The following SLC13A5 variants were observed in gnomAD, a reference collection of about 807,000 sequenced individuals.
The protein encoded by SLC13A5 is Na(+)/citrate cotransporter.
Under a neutral mutation model 56.5 loss-of-function variants are expected in SLC13A5, and 25 were observed. The observed-to-expected ratio is 0.44, with a 90% CI of 0.32 to 0.62. The LOEUF (loss-of-function observed/expected upper bound fraction) is 0.62, where lower values mean the gene tolerates loss of function less well. Ranked by LOEUF, SLC13A5 falls within the 20% of genes least tolerant of loss-of-function variation. The pLI is 0.04. For synonymous variants in SLC13A5, 307 were observed against 301.5 expected (o/e 1.02, Z -0.19); for missense variants, 649 against 737.8 (o/e 0.88, Z 1.39).
At chr17:6,698,232 G>C (rs1973611411) in intron 6 of SLC13A5, among the ~76,000 whole-genome samples, 1 of 152,238 alleles carries the variant, frequency 6.6e-6, no homozygotes, top group South Asian at 2.1e-4. Context: ...CTGGACTGCA[G>C]CCACGCACCC....
chr17:6,685,237 G>C lies in SLC13A5; in HGVS notation c.*970C>G, dbSNP rs1011026618. On this transcript the variant is annotated 3_prime_UTR_variant, in exon 12 of 12. Transcript: ENST00000433363. The surrounding 1 kb of genome is among the most constrained non-coding windows in gnomAD (Gnocchi z 4.2). ...GCATAGCCAGTGGAAATTAACAGCT[G>C]TGTCCACTCTGGGCCTCAGGTGAGG... is the stretch of plus-strand genomic sequence containing the variant. The C allele has an allele frequency of 2.6e-5, 4 of 152,254 alleles. No homozygotes were observed. The highest frequency in any genetic ancestry group is 2.9e-5 in the Non-Finnish European group (2 of 68,062). 9.4% of individuals were successfully genotyped at this position (152,254 alleles called of 1,614,324 possible).
Position 6,686,243 on chromosome 17 carries a change from G to A in SLC13A5, c.1671C>T (p.Phe557=). The A allele has an allele frequency of 1.9e-6, 3 of 1,614,164 alleles. No homozygotes were observed. Among genetic ancestry groups the A allele is most frequent in the Non-Finnish European group, 2.5e-6 (3 of 1,180,028 alleles). ...TATGTGTCACATTAGCCCAGTCAGGGAAATGATCCAAGTCAAATATGGCCC... is the reference window on the plus strand; with the variant it reads ...TATGTGTCACATTAGCCCAGTCAGGAAAATGATCCAAGTCAAATATGGCCC... The part of the protein sequence containing the change: ...WGRAIFDLDH[F]PDWANVTHIE... Residue 557 remains phenylalanine (F), a synonymous_variant, in exon 12 of 12, where the codon TTC becomes TTT. Transcript: ENST00000433363.
intron 11 of SLC13A5, chr17:6,686,683 T>G: frequency 3.8e-6 from 1 of 260,656 alleles, no homozygotes. Context: ...CCCAGTGCCT[T>G]AACTATCCTA....
rs1974013675 is a variant in SLC13A5 at position 6,711,283 on chromosome 17, A to G, written c.102+1949T>C. On this transcript the variant is annotated intron_variant, in intron 1 of 11. Coordinates refer to ENST00000433363, the MANE Select transcript of SLC13A5 (RefSeq NM_177550.5). This position sits in a 1 kb window ranked among gnomAD's most constrained non-coding sequence, Gnocchi z 4.0. ...AAAACAGGCAGAAAGGGAAAAAACAAGAAGACAAGGTCCAGGGTCCTCACC... is the reference window on the plus strand; with the variant it reads ...AAAACAGGCAGAAAGGGAAAAAACAGGAAGACAAGGTCCAGGGTCCTCACC... 6.6e-6 allele frequency among the ~76,000 whole-genome samples: 1 copy of G among 152,148 alleles called. No individual in the cohort carries two copies.
intron 3 of SLC13A5, 131 bp downstream of exon 3, chr17:6,706,511 A>G: frequency 7.5e-7 from 1 of 1,336,254 alleles, no homozygotes; most frequent in Non-Finnish European, 1.0e-6. Context: ...AACGCACCCC[A>G]CCCAGCCAAG....
rs764107507 is a variant in SLC13A5 at position 6,693,101 on chromosome 17, C to T, written c.1218G>A (p.Val406=). The change falls in exon 9 of 12, where the codon GTG becomes GTA. Residue 406 remains valine (V), a synonymous_variant. Coordinates refer to ENST00000433363, the MANE Select transcript of SLC13A5 (RefSeq NM_177550.5). ...LLDWKVTQEK[V]PWGIVLLLGG... The stretch of plus-strand genomic sequence containing the variant: ...CTAGTAGCAGCACGATGCCCCAGGG[C>T]ACTTTCTCCTGGGTTACCTTCCAAT... The T allele has an allele frequency of 2.5e-6, 4 of 1,613,908 alleles. No individual in the cohort carries two copies. The highest frequency in any genetic ancestry group is 2.2e-5 in the South Asian group (2 of 91,058).
In SLC13A5 at chr17:6,699,829, C is replaced by T. The variant is rs946963335; in HGVS notation, c.839+1175G>A. On this transcript the variant is annotated intron_variant, in intron 6 of 11. Coordinates refer to ENST00000433363, the MANE Select transcript of SLC13A5 (RefSeq NM_177550.5). ...CCATGTTGGCCAGGCTGGTTACAAA[C>T]TCCTGACCTCAGGCGATCTGCCCAC... is the stretch of plus-strand genomic sequence containing the variant. Among the ~76,000 whole-genome samples the T allele has an allele frequency of 5.9e-5, 9 of 152,340 alleles. No individual in the cohort carries two copies. In the East Asian group the frequency reaches 1.7e-3, roughly 29 times the overall value.
Position 6,701,872 on chromosome 17 carries a change from C to G in SLC13A5, c.717-746G>C, listed in dbSNP as rs1346965193. Among the ~76,000 whole-genome samples the G allele has an allele frequency of 6.6e-6, 1 of 152,186 alleles. No individual in the cohort carries two copies. The highest frequency in any genetic ancestry group is 1.9e-4 in the East Asian group (1 of 5,174). On this transcript the variant is annotated intron_variant, in intron 5 of 11. Coordinates refer to ENST00000433363, the MANE Select transcript of SLC13A5 (RefSeq NM_177550.5). This position sits in a 1 kb window ranked among gnomAD's most constrained non-coding sequence, Gnocchi z 4.1. ...TCTCAAAAGCTTCCCAGAGCGGAGG[C>G]TGGAGGAGGGTCACTTCCACCACAG... is the stretch of plus-strand genomic sequence containing the variant.
At position 6,687,696 on chromosome 17, in the gene SLC13A5, G is replaced by A. The variant is rs760202556; in HGVS notation, c.1438-30C>T. ...GGAAAAACAGCACTGCAACATCACC[G>A]TACAGAACACAGAAGCTCTTGGGGA... On this transcript the variant is annotated intron_variant, in intron 10 of 11. Transcript: ENST00000433363. This position sits in a 1 kb window ranked among gnomAD's most constrained non-coding sequence, Gnocchi z 5.0. The A allele has an allele frequency of 9.0e-6, 14 of 1,560,062 alleles. No individual in the cohort carries two copies. The highest frequency in any genetic ancestry group is 2.8e-5 in the African/African-American group (2 of 72,506).
rs910270619 is a variant in SLC13A5 at position 6,711,791 on chromosome 17, C to G, written c.102+1441G>C. 1.3e-5 allele frequency among the ~76,000 whole-genome samples: 2 copies of G among 151,982 alleles called. No homozygotes were observed. The highest frequency in any genetic ancestry group is 4.8e-5 in the African/African-American group (2 of 41,348). On this transcript the variant is annotated intron_variant, in intron 1 of 11. Coordinates refer to ENST00000433363, the MANE Select transcript of SLC13A5 (RefSeq NM_177550.5). This position sits in a 1 kb window ranked among gnomAD's most constrained non-coding sequence, Gnocchi z 4.0. ...CTACTATAATCATTCCAGGGAACAT[C>G]ACTCCCTACCAGCAGAGCTGAAATC...
chr17:6,693,033 G>A lies in SLC13A5; in HGVS notation c.1275+11C>T. 6.2e-7 allele frequency: 1 copy of A among 1,609,684 alleles called. No homozygotes were observed. The highest frequency in any genetic ancestry group is 8.5e-7 in the Non-Finnish European group (1 of 1,175,956). On this transcript the variant is annotated intron_variant, in intron 9 of 11. Coordinates refer to ENST00000433363, the MANE Select transcript of SLC13A5 (RefSeq NM_177550.5). ...AGAGGGCTCTGGGCAGCCTGTGGCT[G>A]GAGAAGTTACCTCGGATCCTTTAGC...
At chr17:6,693,984 T>A in intron 8 of SLC13A5, 113 bp downstream of exon 8, 1 of 520,162 alleles carries the variant, frequency 1.9e-6, no homozygotes, top group Non-Finnish European at 3.2e-6. Flanking sequence ...TTGTAGCCAA[T>A]CCTCTTGGAT....
At chr17:6,704,128 G>C (rs1419721120) in intron 3 of SLC13A5, 72 bp from the exon 4 acceptor site, 2 of 1,518,644 alleles carry the variant, frequency 1.3e-6, no homozygotes, top group Middle Eastern at 1.7e-4. Flanking sequence ...GAAGCAACTG[G>C]GGACTGGGTC....
At chr17:6,702,823 A>G in intron 5 of SLC13A5, 147 bp downstream of exon 5, 1 of 973,996 alleles carries the variant, frequency 1.0e-6, no homozygotes, top group Non-Finnish European at 1.5e-6. Context: ...ATGGGGCCAC[A>G]TCTTTCCACC....
At chr17:6,699,338 C>G (rs1479734653) in intron 6 of SLC13A5, among the ~76,000 whole-genome samples, 2 of 152,144 alleles carry the variant, frequency 1.3e-5, no homozygotes, top group African/African-American at 4.8e-5. Context: ...CAAAGCCAGG[C>G]TGGGTGGCCA....
Position 6,691,621 on chromosome 17 carries a change from C to T in SLC13A5, c.1276-681G>A, listed in dbSNP as rs187224878. ...AGGCTGAGCAGGAATAGTCTGAGTC[C>T]GAAGTAAAGCTGGAGACTGTGCTGA... On this transcript the variant is annotated intron_variant, in intron 9 of 11. Transcript: ENST00000433363. Among the ~76,000 whole-genome samples the T allele has an allele frequency of 2.0e-3, 301 of 152,194 alleles. 2 individuals are homozygous for T. Among genetic ancestry groups the T allele is most frequent in the African/African-American group, 5.8e-3 (239 of 41,518 alleles).
In SLC13A5 at chr17:6,701,182, C is replaced by A; in HGVS notation, c.717-56G>T. 1 of 1,605,624 alleles carries A rather than the reference C, an allele frequency of 6.2e-7. No homozygotes were observed. On this transcript the variant is annotated intron_variant, in intron 5 of 11. Transcript: ENST00000433363. This position sits in a 1 kb window ranked among gnomAD's most constrained non-coding sequence, Gnocchi z 4.1. ...TGCTGAGCTGTGGGAGCCAGCCTGG[C>A]CCTGTGCGTGGGGACGGAGCAGCAG...
Position 6,695,822 on chromosome 17 carries a change from A to G in SLC13A5, c.959T>C (p.Leu320Pro). 6.2e-7 allele frequency: 1 copy of G among 1,614,192 alleles called. No individual in the cohort carries two copies. Among genetic ancestry groups the G allele is most frequent in the East Asian group, 2.2e-5 (1 of 44,870 alleles). ...GPLSFAEINVLICFFLLVILW... is the reference protein window; with the variant it reads ...GPLSFAEINVPICFFLLVILW... ...GATGACCAGCAGGAAGAAGCAGATC[A>G]GCACGTTGATCTCCGCGAAGGACAA... The change falls in exon 7 of 12, where the codon CTG becomes CCG. Residue 320 changes from leucine to proline, a missense_variant. Physicochemically the swap from Leu to Pro is moderately conservative, Grantham distance 98 (BLOSUM62 -3). Coordinates refer to ENST00000433363, the MANE Select transcript of SLC13A5 (RefSeq NM_177550.5).
At chr17:6,686,475 AG>A in intron 11 of SLC13A5, 137 bp from the exon 12 acceptor site, 1 of 1,071,918 alleles carries the variant, frequency 9.3e-7, no homozygotes, top group Non-Finnish European at 1.3e-6. Flanking sequence ...CCCGACCCCC[AG>A]GACAGTGCGA....
Sources: gnomAD v4.1 joint callset for allele counts (sites outside exome capture counted in the v4.1 genomes callset) on GRCh38, gnomAD v4.1.1 for gene constraint, Gnocchi (gnomAD v3.1) non-coding constraint, MANE v1.5 for transcripts, NCBI Gene and HGNC (gene_info 2026-07-23, HGNC 2026-07-21) for gene names.